CNTNAP5: variants seen among roughly 807,000 people sequenced by gnomAD.
CNTNAP5 encodes contactin associated protein family member 5.
Under a neutral mutation model 150.2 loss-of-function variants are expected in CNTNAP5, and 72 were observed. The ratio of observed to expected loss-of-function variants is 0.48; its 90% CI spans 0.40 to 0.58. The LOEUF (loss-of-function observed/expected upper bound fraction) is 0.58. CNTNAP5 is among the 20% of genes least tolerant of loss of function. CNTNAP5 has a pLI of 0.00. For missense variants in CNTNAP5, 1,636 were observed against 1,626.2 expected (o/e 1.01, Z -0.10); for synonymous variants, 672 against 619.8 (o/e 1.08, Z -1.25).
At chr2:124,368,112 C>A (rs1690423254) in intron 3 of CNTNAP5, among the ~76,000 whole-genome samples, 1 of 152,052 alleles carries the variant, frequency 6.6e-6, no homozygotes, top group African/African-American at 2.4e-5. Flanking sequence ...ATGCGTTAGC[C>A]TCGTAAGCTT....
chr2:124,668,566 G>A (rs577033793), intron 13 of CNTNAP5, among the ~76,000 whole-genome samples: 29 of 152,250 alleles, frequency 1.9e-4, no homozygotes, highest in African/African-American at 6.0e-4. Flanking sequence ...GGCCCTCCCT[G>A]CTACTCTGTG....
chr2:124,626,896 C>T (rs1390238317), intron 12 of CNTNAP5, among the ~76,000 whole-genome samples: 3 of 152,068 alleles, frequency 2.0e-5, no homozygotes, highest in African/African-American at 7.2e-5. Flanking sequence ...ATTACTGTGG[C>T]TTTAGTTTTC....
chr2:124,461,872 AG>A (rs1693264789), intron 6 of CNTNAP5, among the ~76,000 whole-genome samples: 1 of 5,464 alleles, frequency 1.8e-4, no homozygotes. Context: ...AAAAAAAAAA[AG>A]AAAAAAAAAG....
At chr2:124,477,383 G>A (rs1467605862) in intron 7 of CNTNAP5, among the ~76,000 whole-genome samples, 2 of 152,038 alleles carry the variant, frequency 1.3e-5, no homozygotes, top group African/African-American at 4.8e-5. Context: ...TTGGATTCAA[G>A]GGTATGAGGC....
chr2:124,871,338 A>C (rs1413424506), intron 21 of CNTNAP5, among the ~76,000 whole-genome samples: 1 of 145,658 alleles, frequency 6.9e-6, no homozygotes, highest in Non-Finnish European at 1.5e-5. Context: ...TTGGAAGATA[A>C]TTTTGCTAGA....
chr2:124,705,079 T>C (rs1178155360), intron 13 of CNTNAP5, among the ~76,000 whole-genome samples: 1 of 152,148 alleles, frequency 6.6e-6, no homozygotes, highest in Non-Finnish European at 1.5e-5. Context: ...AATCATATTA[T>C]GCAACATATA....
chr2:124,416,981 A>G (rs1691934723), intron 3 of CNTNAP5, among the ~76,000 whole-genome samples: 1 of 128,382 alleles, frequency 7.8e-6, no homozygotes, highest in Admixed American at 9.5e-5. Context: ...TCTGTCGCCC[A>G]GGCTGGAGTG....
intron 3 of CNTNAP5, among the ~76,000 whole-genome samples, chr2:124,381,647 A>G (rs1195681555): frequency 1.3e-5 from 2 of 152,052 alleles, no homozygotes; most frequent in Admixed American, 1.3e-4. Context: ...AAAGTGGGGA[A>G]ATGAAAGGCT....
At chr2:124,696,573 C>A (rs1679410847) in intron 13 of CNTNAP5, among the ~76,000 whole-genome samples, 1 of 152,066 alleles carries the variant, frequency 6.6e-6, no homozygotes. Flanking sequence ...GTCATATGTC[C>A]CTGAAAAGGA....
chr2:124,826,638 C>T (rs1682598576), intron 19 of CNTNAP5, among the ~76,000 whole-genome samples: 1 of 152,090 alleles, frequency 6.6e-6, no homozygotes, highest in African/African-American at 2.4e-5. Flanking sequence ...TTCTGATGCT[C>T]CCCTCCAACC....
chr2:124,250,042 G>C (rs1461708902), intron 3 of CNTNAP5, among the ~76,000 whole-genome samples: 1 of 151,918 alleles, frequency 6.6e-6, no homozygotes, highest in African/African-American at 2.4e-5. Context: ...CAGCTTTGAA[G>C]TGTGACATGG....
Position 124,647,936 on chromosome 2 carries a change from G to C in CNTNAP5, c.2055G>C (p.Arg685Ser), listed in dbSNP as rs939726451. 6.2e-7 allele frequency: 1 copy of C among 1,603,776 alleles called. No individual in the cohort carries two copies. The highest frequency in any genetic ancestry group is 1.3e-5 in the African/African-American group (1 of 74,736). The change falls in exon 13 of 24, where the codon AGG (arginine) becomes AGC (serine). Residue 685 changes from arginine (R) to serine (S), a missense_variant. Physicochemically the swap from Arg to Ser is moderately radical, Grantham distance 110. Coordinates refer to ENST00000682447, the MANE Select transcript of CNTNAP5 (RefSeq NM_001367498.1). Reference protein sequence around the residue: ...CEQEVAYHCRRSRLLNTPDGT... With the variant: ...CEQEVAYHCRSSRLLNTPDGT... ...AGGAGGTGGCCTACCACTGCAGGAG[G>C]TCCCGCCTGCTCAACACGCCGGGTA...
intron 1 of CNTNAP5, among the ~76,000 whole-genome samples, chr2:124,070,574 A>G (rs11677559): frequency 0.077 from 11,753 of 152,050 alleles, 597 homozygotes; most frequent in Non-Finnish European, 0.12. Flanking sequence ...AAGAGATTTC[A>G]ATAAAAAACT....
intron 2 of CNTNAP5, among the ~76,000 whole-genome samples, chr2:124,223,584 C>T (rs1340835787): frequency 6.6e-6 from 1 of 151,880 alleles, no homozygotes; most frequent in Non-Finnish European, 1.5e-5. Context: ...GGAGTTGTCT[C>T]GATCCCACCC....
intron 3 of CNTNAP5, among the ~76,000 whole-genome samples, chr2:124,414,170 CAT>C (rs974467098): frequency 1.4e-5 from 2 of 146,288 alleles, no homozygotes; most frequent in African/African-American, 2.5e-5. Context: ...TTGTTGTTCA[CAT>C]GTTACATTCA....
At chr2:124,075,099 G>A (rs1295407055) in intron 1 of CNTNAP5, among the ~76,000 whole-genome samples, 3 of 151,648 alleles carry the variant, frequency 2.0e-5, no homozygotes, top group African/African-American at 4.8e-5. Flanking sequence ...AAATGAATAG[G>A]GATATGAAAA....
At chr2:124,319,231 C>T (rs1689041887) in intron 3 of CNTNAP5, among the ~76,000 whole-genome samples, 1 of 152,164 alleles carries the variant, frequency 6.6e-6, no homozygotes, top group South Asian at 2.1e-4. Flanking sequence ...TTAACATGCT[C>T]ATTAATACAT....
At chr2:124,203,674 G>C in intron 1 of CNTNAP5, among the ~76,000 whole-genome samples, 1 of 152,190 alleles carries the variant, frequency 6.6e-6, no homozygotes, top group Non-Finnish European at 1.5e-5. Context: ...CACCAGATGT[G>C]AGCTGCCAAG....
intron 6 of CNTNAP5, among the ~76,000 whole-genome samples, chr2:124,466,876 A>G (rs1693390135): frequency 6.6e-6 from 1 of 152,188 alleles, no homozygotes; most frequent in African/African-American, 2.4e-5. Context: ...AATATTCTAG[A>G]GTATGAATAG....
Sources: allele counts gnomAD v4.1 joint callset (sites outside exome capture counted in the v4.1 genomes callset), GRCh38; gene constraint gnomAD v4.1.1; transcripts MANE v1.5; gene names NCBI Gene and HGNC (gene_info 2026-07-23, HGNC 2026-07-21).